FSTL5: variants seen among roughly 807,000 people sequenced by gnomAD.
FSTL5 encodes follistatin like 5, also known as follistatin-related protein 5.
In FSTL5, 62 loss-of-function variants were observed where a neutral mutation model predicts 89.1. That is an observed-to-expected ratio of 0.70 (90% confidence interval 0.57 to 0.86). The LOEUF (loss-of-function observed/expected upper bound fraction) is 0.86, where lower values mean the gene tolerates loss of function less well. FSTL5 is among the 40% of genes least tolerant of loss of function. FSTL5 has a pLI of 0.00. For synonymous variants in FSTL5, 383 were observed against 346.2 expected (o/e 1.11, Z -1.18); for missense variants, 1,057 against 1,001.6 (o/e 1.06, Z -0.75).
chr4:161,818,560 C>G (rs1335852872), intron 4 of FSTL5, among the ~76,000 whole-genome samples: 2 of 152,172 alleles, frequency 1.3e-5, no homozygotes, highest in Non-Finnish European at 1.5e-5. Context: ...GGGTGGGAGC[C>G]CCACAGCCTA....
At chr4:161,441,529 A>C (rs1732761473) in intron 15 of FSTL5, among the ~76,000 whole-genome samples, 1 of 152,106 alleles carries the variant, frequency 6.6e-6, no homozygotes, top group Non-Finnish European at 1.5e-5. Flanking sequence ...AAAACTGAGA[A>C]GCCTAATGAA....
At chr4:161,530,230 T>C (rs28627017) in intron 10 of FSTL5, among the ~76,000 whole-genome samples, 4,436 of 142,510 alleles carry the variant, frequency 0.031, 604 homozygotes, top group African/African-American at 0.1. Context: ...ACCCTTTCTT[T>C]TACTTCTAAA....
chr4:161,944,776 T>C (rs1734690777), intron 3 of FSTL5, among the ~76,000 whole-genome samples: 2 of 151,874 alleles, frequency 1.3e-5, no homozygotes, highest in Admixed American at 6.6e-5. Context: ...ACTAGCTTTA[T>C]AGTTTGGTTA....
chr4:161,422,778 A>G (rs964768441), intron 15 of FSTL5, among the ~76,000 whole-genome samples: 1 of 148,184 alleles, frequency 6.7e-6, no homozygotes, highest in Admixed American at 6.6e-5. Flanking sequence ...ACCACAATGC[A>G]TCACATTTCT....
intron 3 of FSTL5, among the ~76,000 whole-genome samples, chr4:161,929,984 T>C (rs1401745848): frequency 6.6e-6 from 1 of 151,762 alleles, no homozygotes; most frequent in Admixed American, 6.6e-5. Flanking sequence ...ACCTAATGCA[T>C]TAGAAACAAT....
At chr4:162,085,644 A>G (rs1268772456) in intron 2 of FSTL5, among the ~76,000 whole-genome samples, 1 of 152,134 alleles carries the variant, frequency 6.6e-6, no homozygotes, top group Non-Finnish European at 1.5e-5. Flanking sequence ...AGTTTCATTA[A>G]CAAGAAATGT....
intron 15 of FSTL5, among the ~76,000 whole-genome samples, chr4:161,390,705 G>A (rs942746031): frequency 2.0e-5 from 3 of 152,016 alleles, no homozygotes; most frequent in Non-Finnish European, 2.9e-5. Context: ...TCACCACCAA[G>A]AGCAATGTCC....
chr4:161,791,074 T>G (rs915225980), intron 4 of FSTL5, among the ~76,000 whole-genome samples: 1 of 152,104 alleles, frequency 6.6e-6, no homozygotes, highest in African/African-American at 2.4e-5. Flanking sequence ...ACCCTTCAAA[T>G]CATCCTTAAA....
intron 7 of FSTL5, among the ~76,000 whole-genome samples, chr4:161,618,007 G>A (rs1454909033): frequency 5.9e-5 from 9 of 152,102 alleles, no homozygotes; most frequent in South Asian, 4.1e-4. Context: ...ATTGATGAGT[G>A]GTTTGTAGTT....
chr4:161,756,857 C>T, intron 6 of FSTL5, among the ~76,000 whole-genome samples: 1 of 152,130 alleles, frequency 6.6e-6, no homozygotes, highest in South Asian at 2.1e-4. Flanking sequence ...CTTACACAAA[C>T]ATATCCATTT....
At chr4:161,502,687 C>A (rs893849990) in intron 11 of FSTL5, among the ~76,000 whole-genome samples, 6 of 151,764 alleles carry the variant, frequency 4.0e-5, no homozygotes, top group Admixed American at 1.3e-4. Context: ...TTTTGCAAGG[C>A]ATTATTTTCT....
intron 6 of FSTL5, among the ~76,000 whole-genome samples, chr4:161,672,926 T>G (rs1737171663): frequency 6.6e-6 from 1 of 151,978 alleles, no homozygotes; most frequent in Admixed American, 6.6e-5. Context: ...CTAGACATAA[T>G]TTTTTTAAAA....
At chr4:162,014,423 G>A (rs775725452) in intron 3 of FSTL5, among the ~76,000 whole-genome samples, 3 of 152,124 alleles carry the variant, frequency 2.0e-5, no homozygotes, top group Non-Finnish European at 4.4e-5. Context: ...TGCATTCAGG[G>A]CTAAAAGGGA....
intron 4 of FSTL5, among the ~76,000 whole-genome samples, chr4:161,860,801 T>C (rs1731886146): frequency 1.3e-5 from 2 of 152,220 alleles, no homozygotes; most frequent in South Asian, 2.1e-4. Context: ...TATGGGTAAA[T>C]GCCTAGGTGT....
intron 3 of FSTL5, among the ~76,000 whole-genome samples, chr4:161,948,892 C>T (rs1271348851): frequency 6.6e-6 from 1 of 152,022 alleles, no homozygotes; most frequent in African/African-American, 2.4e-5. Flanking sequence ...TGCCCTGTGG[C>T]TATTTTCTCT....
At chr4:161,655,603 T>C (rs1298298393) in intron 7 of FSTL5, among the ~76,000 whole-genome samples, 2 of 152,162 alleles carry the variant, frequency 1.3e-5, no homozygotes, top group Non-Finnish European at 2.9e-5. Flanking sequence ...ATGCACATGT[T>C]AGAAATGCAA....
chr4:162,102,531 C>G (rs915148086), intron 2 of FSTL5, among the ~76,000 whole-genome samples: 8 of 147,628 alleles, frequency 5.4e-5, no homozygotes, highest in Non-Finnish European at 1.2e-4. Context: ...TGACCTGAAA[C>G]ACAGTACTTT....
intron 1 of FSTL5, among the ~76,000 whole-genome samples, chr4:162,124,851 C>T (rs906753684): frequency 4.6e-5 from 7 of 152,192 alleles, no homozygotes; most frequent in Non-Finnish European, 8.8e-5. Context: ...AGGCGCCCGC[C>T]ACCACGTCCA....
chr4:161,618,241 T>C (rs1328754037), intron 7 of FSTL5, among the ~76,000 whole-genome samples: 65 of 137,512 alleles, frequency 4.7e-4, no homozygotes, highest in Admixed American at 4.1e-3. Context: ...AATGGGGTTT[T>C]CTAGATATAC....
Sources: allele counts gnomAD v4.1 joint callset (sites outside exome capture counted in the v4.1 genomes callset), GRCh38; gene constraint gnomAD v4.1.1; transcripts MANE v1.5; gene names NCBI Gene and HGNC (gene_info 2026-07-23, HGNC 2026-07-21).